MIPOL1: variants seen among roughly 807,000 people sequenced by gnomAD.
MIPOL1 encodes the protein mirror-image polydactyly gene 1 protein.
Under a neutral mutation model 60.9 loss-of-function variants are expected in MIPOL1, and 57 were observed. The ratio of observed to expected loss-of-function variants is 0.94; its 90% CI spans 0.76 to 1.17. MIPOL1 has a LOEUF of 1.17. Ranked by LOEUF, MIPOL1 falls within the 50% of genes most tolerant of loss-of-function variation. The probability of loss-of-function intolerance (pLI) is 0.00; values close to 1 mark genes in which losing one functional copy is unlikely to be tolerated. For missense variants in MIPOL1, 551 were observed against 511.6 expected, an observed-to-expected ratio of 1.08 and a Z score of -0.74; for synonymous variants, 179 against 168.8, an observed-to-expected ratio of 1.06 and a Z score of -0.47.
chr14:37,415,123 T>G (rs1030653112), intron 10 of MIPOL1, among the ~76,000 whole-genome samples: 5 of 152,284 alleles, frequency 3.3e-5, no homozygotes, highest in African/African-American at 1.2e-4. Flanking sequence ...AATACTACTT[T>G]TTTGCCAGGG....
At chr14:37,306,862 A>G (rs1356843599) in intron 7 of MIPOL1, among the ~76,000 whole-genome samples, 1 of 151,838 alleles carries the variant, frequency 6.6e-6, no homozygotes, top group Non-Finnish European at 1.5e-5. Flanking sequence ...GAAAGTAGTT[A>G]CCCTTCTTGA....
At chr14:37,468,477 G>A (rs192293280) in intron 11 of MIPOL1, among the ~76,000 whole-genome samples, 208 of 152,200 alleles carry the variant, frequency 1.4e-3, no homozygotes, top group African/African-American at 4.8e-3. Flanking sequence ...TGTCCAGAAA[G>A]TAATTAGTCT....
intron 1 of MIPOL1, among the ~76,000 whole-genome samples, chr14:37,218,169 A>G (rs1968081460): frequency 6.6e-6 from 1 of 151,368 alleles, no homozygotes; most frequent in African/African-American, 2.4e-5. Context: ...TCATGATTTC[A>G]TCTTTTTTTA....
chr14:37,338,414 CTT>C (rs59933277), intron 9 of MIPOL1, among the ~76,000 whole-genome samples: 145,268 of 150,308 alleles, frequency 0.97, 70,272 homozygotes, highest in East Asian at 1. Flanking sequence ...CTGGCCCCCC[CTT>C]TTTTTTTTTT....
chr14:37,539,354 C>A (rs371441492), intron 12 of MIPOL1, among the ~76,000 whole-genome samples: 1 of 152,176 alleles, frequency 6.6e-6, no homozygotes, highest in South Asian at 2.1e-4. Context: ...GAGAAGTTTG[C>A]CTTGGTTTTG....
chr14:37,443,506 T>C (rs901456908), intron 11 of MIPOL1, among the ~76,000 whole-genome samples: 1 of 132,808 alleles, frequency 7.5e-6, no homozygotes, highest in Admixed American at 7.6e-5. Flanking sequence ...GGAGGAGGAA[T>C]TGAATTCATA....
chr14:37,209,907 C>G (rs1257896168), intron 1 of MIPOL1, among the ~76,000 whole-genome samples: 2 of 151,556 alleles, frequency 1.3e-5, no homozygotes, highest in Non-Finnish European at 2.9e-5. Context: ...CATGAGGTCC[C>G]CCTGTGTTGC....
At chr14:37,228,281 TGAA>T (rs1459932863) in intron 1 of MIPOL1, among the ~76,000 whole-genome samples, 1 of 152,226 alleles carries the variant, frequency 6.6e-6, no homozygotes, top group East Asian at 1.9e-4. Flanking sequence ...ACAGATTTCT[TGAA>T]GTTTTTGGTT....
At chr14:37,440,790 T>C (rs2094231072) in intron 11 of MIPOL1, among the ~76,000 whole-genome samples, 2 of 152,146 alleles carry the variant, frequency 1.3e-5, no homozygotes, top group African/African-American at 4.8e-5. Flanking sequence ...GTAGTAGTAT[T>C]GCTGGATCAA....
chr14:37,492,724 T>G (rs1455659379), intron 11 of MIPOL1, among the ~76,000 whole-genome samples: 1 of 151,848 alleles, frequency 6.6e-6, no homozygotes, highest in Admixed American at 6.6e-5. Context: ...TCTTCTAAGT[T>G]CAACCCAACA....
intron 6 of MIPOL1, 60 bp downstream of exon 6, chr14:37,270,585 T>C (rs2083223109): frequency 1.2e-6 from 1 of 815,938 alleles, no homozygotes; most frequent in Admixed American, 3.1e-5. Flanking sequence ...TATTATATGA[T>C]GTATCTTGGT....
Position 37,285,451 on chromosome 14 carries a change from T to G in MIPOL1, c.623+4T>G. On this transcript the variant is annotated splice_donor_region_variant and intron_variant, in intron 7 of 12. Transcript: ENST00000684589. ...ATATGGAAATGTCTCTAAAAGTGTA[T>G]GTACACATTTAAAACTCAGTATGAT... 1 of 1,612,910 alleles carries G rather than the reference T, an allele frequency of 6.2e-7. No individual in the cohort carries two copies. Among genetic ancestry groups the G allele is most frequent in the Non-Finnish European group, 8.5e-7 (1 of 1,179,378 alleles).
In MIPOL1 at chr14:37,393,406, G is replaced by GTTTT; in HGVS notation, c.936+23783_936+23784insTTTT. 0.013 allele frequency among the ~76,000 whole-genome samples: 5 copies of GTTTT among 380 alleles called. No homozygotes were observed. The Admixed American group carries it at 0.2, about 15-fold the overall frequency. The allele number at this position is 380 out of a possible 152,430, so 0.2% of individuals were successfully genotyped here. ...TTTTGTTTTGTTTTGTTTTGTTTTT[G>GTTTT]TGTGTGTGTGTGTGTGTGTGGCGGG... On this transcript the variant is annotated intron_variant, in intron 10 of 12. Transcript: ENST00000684589.
intron 9 of MIPOL1, among the ~76,000 whole-genome samples, chr14:37,349,885 T>TG (rs1238553959): frequency 6.6e-6 from 1 of 152,160 alleles, no homozygotes; most frequent in Non-Finnish European, 1.5e-5. Flanking sequence ...TAATATTGGT[T>TG]GAAAAAAATG....
chr14:37,412,464 T>G (rs1042491700), intron 10 of MIPOL1, among the ~76,000 whole-genome samples: 5 of 152,148 alleles, frequency 3.3e-5, no homozygotes, highest in African/African-American at 1.2e-4. Context: ...TTTATGTTCA[T>G]TATATACTGT....
chr14:37,369,371 A>T (rs922520884), intron 9 of MIPOL1, 146 bp from the exon 10 acceptor site: 2 of 450,204 alleles, frequency 4.4e-6, no homozygotes, highest in Non-Finnish European at 7.9e-6. Flanking sequence ...ATTGTATTTA[A>T]CATTACTTTT....
At chr14:37,431,883 C>A (rs528420497) in intron 11 of MIPOL1, among the ~76,000 whole-genome samples, 89 of 152,164 alleles carry the variant, frequency 5.8e-4, no homozygotes, top group Admixed American at 9.2e-4. Flanking sequence ...CTACGCCCGG[C>A]CCTGTTTCTA....
chr14:37,273,466 C>A (rs1464106819), intron 6 of MIPOL1, among the ~76,000 whole-genome samples: 1 of 150,940 alleles, frequency 6.6e-6, no homozygotes, highest in African/African-American at 2.4e-5. Context: ...TGGCTGTGAT[C>A]CAGTTTTGCC....
intron 6 of MIPOL1, among the ~76,000 whole-genome samples, chr14:37,281,127 A>G (rs2084072424): frequency 6.6e-6 from 1 of 152,124 alleles, no homozygotes; most frequent in South Asian, 2.1e-4. Flanking sequence ...ATCTTCTAGT[A>G]GTTTTATAAT....
Sources: allele counts gnomAD v4.1 joint callset (sites outside exome capture counted in the v4.1 genomes callset), GRCh38; gene constraint gnomAD v4.1.1; transcripts MANE v1.5; gene names NCBI Gene and HGNC (gene_info 2026-07-23, HGNC 2026-07-21).